The following CFAP299 variants were observed in gnomAD, a reference collection of about 807,000 sequenced individuals.
CFAP299 encodes the protein cilia- and flagella-associated protein 299.
CFAP299 carries 21 observed loss-of-function variants against 27.0 expected under a neutral mutation model. The ratio of observed to expected loss-of-function variants is 0.78; its 90% confidence interval spans 0.55 to 1.12. The LOEUF (loss-of-function observed/expected upper bound fraction) is 1.12. Ranked by LOEUF, CFAP299 falls within the 50% of genes most tolerant of loss-of-function variation. The probability of loss-of-function intolerance (pLI) is 0.00; values close to 1 mark genes in which losing one functional copy is unlikely to be tolerated. For missense variants in CFAP299, 310 were observed against 276.6 expected (o/e 1.12, Z -0.86); for synonymous variants, 104 against 98.1 (o/e 1.06, Z -0.36).
chr4:80,435,193 T>G (rs1190629321), intron 2 of CFAP299, among the ~76,000 whole-genome samples: 1 of 152,140 alleles, frequency 6.6e-6, no homozygotes, highest in Non-Finnish European at 1.5e-5. Context: ...TAGTAGGAGA[T>G]AAGCTCAATG....
intron 4 of CFAP299, among the ~76,000 whole-genome samples, chr4:80,930,117 C>A (rs751720140): frequency 2.6e-5 from 4 of 152,104 alleles, no homozygotes; most frequent in Non-Finnish European, 5.9e-5. Flanking sequence ...GGGAGAGGGG[C>A]TGAAGGTTAA....
intron 2 of CFAP299, among the ~76,000 whole-genome samples, chr4:80,530,526 T>A (rs1733412765): frequency 6.6e-6 from 1 of 152,140 alleles, no homozygotes; most frequent in Admixed American, 6.5e-5. Flanking sequence ...ATTCAATAAA[T>A]ATTGAGTATC....
chr4:80,390,506 T>C lies in CFAP299; in HGVS notation c.242+27622T>C, dbSNP rs367919402. Among the ~76,000 whole-genome samples the C allele has an allele frequency of 1.4e-3, 131 of 95,168 alleles. No homozygotes were observed. The South Asian group carries it at 0.015, about 11-fold the overall frequency. 62.4% of individuals were successfully genotyped at this position (95,168 alleles called of 152,430 possible). On this transcript the variant is annotated intron_variant, in intron 2 of 5. Coordinates refer to ENST00000358105, the MANE Select transcript of CFAP299 (RefSeq NM_152770.3). ...CTCTCTCTCTCTATATATATGTATA[T>C]ATACACACATATATGTATATATGTA...
chr4:80,569,408 CT>C (rs1276099297), intron 2 of CFAP299, among the ~76,000 whole-genome samples: 3 of 151,908 alleles, frequency 2.0e-5, no homozygotes, highest in Non-Finnish European at 4.4e-5. Context: ...TAAAAATATT[CT>C]AGATAATTTT....
At chr4:80,685,704 GTTTA>G (rs1322259011) in intron 3 of CFAP299, among the ~76,000 whole-genome samples, 2 of 130,334 alleles carry the variant, frequency 1.5e-5, no homozygotes, top group African/African-American at 6.3e-5. Context: ...GCTCTGGTTA[GTTTA>G]AACCAGGGAG....
chr4:80,548,819 C>T (rs907259665), intron 2 of CFAP299, among the ~76,000 whole-genome samples: 12 of 151,914 alleles, frequency 7.9e-5, no homozygotes, highest in African/African-American at 2.7e-4. Flanking sequence ...AATTGTCTTT[C>T]GTGGAAATTG....
At chr4:80,854,989 A>G (rs1314242423) in intron 3 of CFAP299, among the ~76,000 whole-genome samples, 1 of 152,130 alleles carries the variant, frequency 6.6e-6, no homozygotes, top group African/African-American at 2.4e-5. Context: ...GAGCAAATAA[A>G]GAAGACAAGC....
intron 2 of CFAP299, among the ~76,000 whole-genome samples, chr4:80,533,901 G>A (rs922282743): frequency 6.6e-6 from 1 of 152,028 alleles, no homozygotes; most frequent in Non-Finnish European, 1.5e-5. Context: ...GATCTCTTAT[G>A]TAAGAAATAA....
chr4:80,618,868 C>T (rs963821825), intron 3 of CFAP299, among the ~76,000 whole-genome samples: 1 of 151,794 alleles, frequency 6.6e-6, no homozygotes, highest in African/African-American at 2.4e-5. Flanking sequence ...ATCGTGGGAG[C>T]TGAAAAGAAA....
At chr4:80,739,432 C>A (rs752836641) in intron 3 of CFAP299, among the ~76,000 whole-genome samples, 23 of 151,946 alleles carry the variant, frequency 1.5e-4, no homozygotes, top group Admixed American at 5.9e-4. Context: ...ATATACTATT[C>A]TAGGGTAAAA....
At chr4:80,862,862 G>A (rs1732469767) in intron 3 of CFAP299, among the ~76,000 whole-genome samples, 1 of 152,078 alleles carries the variant, frequency 6.6e-6, no homozygotes, top group Admixed American at 6.6e-5. Context: ...ACAGTTATCA[G>A]CACAAAACAT....
intron 2 of CFAP299, among the ~76,000 whole-genome samples, chr4:80,553,905 G>A (rs954182591): frequency 2.0e-5 from 3 of 152,100 alleles, no homozygotes; most frequent in Non-Finnish European, 4.4e-5. Flanking sequence ...TTTGTCAGAT[G>A]CATAGTTTGC....
At chr4:80,649,774 T>A (rs1740196467) in intron 3 of CFAP299, among the ~76,000 whole-genome samples, 1 of 152,034 alleles carries the variant, frequency 6.6e-6, no homozygotes, top group African/African-American at 2.4e-5. Context: ...GCTCAAATTG[T>A]TTGTTATTAA....
chr4:80,353,494 A>G (rs1357853998), intron 1 of CFAP299, among the ~76,000 whole-genome samples: 3 of 152,252 alleles, frequency 2.0e-5, no homozygotes, highest in Admixed American at 1.3e-4. Context: ...TTTTAACATT[A>G]AGAAATGTGG....
chr4:80,795,806 A>G (rs868164664), intron 3 of CFAP299, among the ~76,000 whole-genome samples: 1 of 152,164 alleles, frequency 6.6e-6, no homozygotes, highest in Non-Finnish European at 1.5e-5. Flanking sequence ...TTCAGTTTCC[A>G]CCAAAGCCCA....
At chr4:80,782,319 A>G (rs897533006) in intron 3 of CFAP299, among the ~76,000 whole-genome samples, 2 of 151,818 alleles carry the variant, frequency 1.3e-5, no homozygotes, top group Non-Finnish European at 2.9e-5. Context: ...AAGAGATAGG[A>G]TACTGTTTTA....
At chr4:80,554,255 C>T (rs1378145848) in intron 2 of CFAP299, among the ~76,000 whole-genome samples, 1 of 152,048 alleles carries the variant, frequency 6.6e-6, no homozygotes, top group Admixed American at 6.6e-5. Flanking sequence ...AGTCTTTTCC[C>T]CATTGCTTAT....
chr4:80,342,386 A>T (rs1722500692), intron 1 of CFAP299, among the ~76,000 whole-genome samples: 1 of 152,208 alleles, frequency 6.6e-6, no homozygotes, highest in African/African-American at 2.4e-5. Context: ...CCAAGGTTGA[A>T]ATTAAAGAAA....
chr4:80,481,150 A>G (rs1366088435), intron 2 of CFAP299, among the ~76,000 whole-genome samples: 1 of 152,032 alleles, frequency 6.6e-6, no homozygotes, highest in Non-Finnish European at 1.5e-5. Context: ...CAGACTTTCT[A>G]TGGATTTTAG....
Sources: gnomAD v4.1 joint callset for allele counts (sites outside exome capture counted in the v4.1 genomes callset) on GRCh38, gnomAD v4.1.1 for gene constraint, MANE v1.5 for transcripts, NCBI Gene and HGNC (gene_info 2026-07-23, HGNC 2026-07-21) for gene names.